LDB1: variants seen among roughly 807,000 people sequenced by gnomAD.
LDB1 encodes LIM domain binding 1, also known as LIM domain-binding protein 1.
LDB1 carries 6 observed loss-of-function variants against 49.7 expected under a neutral mutation model. The observed-to-expected ratio is 0.12, with a 90% CI of 0.07 to 0.24. LDB1 has a LOEUF of 0.24. Ranked by LOEUF, LDB1 falls within the 10% of genes least tolerant of loss-of-function variation. The pLI, the probability that LDB1 is intolerant of heterozygous loss-of-function variation, is 1.00. For synonymous variants in LDB1, 233 were observed against 202.0 expected, an observed-to-expected ratio of 1.15 and a Z score of -1.30; for missense variants, 341 against 561.7, an observed-to-expected ratio of 0.61 and a Z score of 3.97.
chr10:102,120,453 G>C, upstream of LDB1: 2 of 951,466 alleles, frequency 2.1e-6, no homozygotes, highest in Non-Finnish European at 2.5e-6. Flanking sequence ...CTCCGCCCTC[G>C]CGCTCGCGCT....
At chr10:102,111,798 C>T (rs371453395) in intron 1 of LDB1, among the ~76,000 whole-genome samples, 2 of 152,078 alleles carry the variant, frequency 1.3e-5, no homozygotes, top group East Asian at 1.9e-4. Context: ...CTGAAGTGAG[C>T]GGAGATCATA....
intron 1 of LDB1, among the ~76,000 whole-genome samples, chr10:102,118,802 C>T (rs1370979353): frequency 6.6e-6 from 1 of 152,196 alleles, no homozygotes; most frequent in Non-Finnish European, 1.5e-5. Flanking sequence ...GTACACCAAG[C>T]TGGTAGAAAG....
chr10:102,112,551 G>T (rs1229788546), intron 1 of LDB1, among the ~76,000 whole-genome samples: 1 of 152,102 alleles, frequency 6.6e-6, no homozygotes, highest in African/African-American at 2.4e-5. Context: ...TAACCAGTTG[G>T]GCCTTCTGCC....
intron 1 of LDB1, among the ~76,000 whole-genome samples, chr10:102,115,654 T>C (rs2068326745): frequency 6.6e-6 from 1 of 151,706 alleles, no homozygotes; most frequent in Non-Finnish European, 1.5e-5. Flanking sequence ...TTGTCAGAGC[T>C]AGGGAAAGCC....
Position 102,107,725 on chromosome 10 carries a change from T to G in LDB1, c.*368A>C. On this transcript the variant is annotated 3_prime_UTR_variant, in exon 11 of 11. Coordinates refer to ENST00000673968, the MANE Select transcript of LDB1 (RefSeq NM_001113407.3). ...CGTAACTTTAAGTCCCTAAGGGCTG[T>G]GGGTATAGACAACCCCAGGCTTGAA... 1 of 279,796 alleles carries G rather than the reference T, an allele frequency of 3.6e-6. No homozygotes were observed. The allele number at this position is 279,796 out of a possible 1,614,324, so 17.3% of individuals were successfully genotyped here.
chr10:102,118,298 C>T (rs1254191392), intron 1 of LDB1, among the ~76,000 whole-genome samples: 1 of 152,192 alleles, frequency 6.6e-6, no homozygotes, highest in Non-Finnish European at 1.5e-5. Context: ...ATCTATAAGA[C>T]TTCTTCATGA....
upstream of LDB1, among the ~76,000 whole-genome samples, chr10:102,120,633 G>T (rs2068408183): frequency 1.3e-5 from 2 of 152,172 alleles, no homozygotes; most frequent in African/African-American, 4.8e-5. Context: ...CGAGGGGCTG[G>T]GAGCGCTCGG....
At chr10:102,108,687 T>C (rs951526558) in intron 10 of LDB1, among the ~76,000 whole-genome samples, 2 of 152,220 alleles carry the variant, frequency 1.3e-5, no homozygotes, top group Non-Finnish European at 2.9e-5. Context: ...CAAGGGTATG[T>C]ATTCTGGATC....
chr10:102,120,803 C>T (rs2068410709), upstream of LDB1, among the ~76,000 whole-genome samples: 1 of 152,054 alleles, frequency 6.6e-6, no homozygotes, highest in African/African-American at 2.4e-5. Context: ...GAGCGGGAGC[C>T]GCGGCTGGGG....
At chr10:102,119,271 C>G (rs1369140220) in intron 1 of LDB1, among the ~76,000 whole-genome samples, 1 of 152,072 alleles carries the variant, frequency 6.6e-6, no homozygotes, top group Admixed American at 6.5e-5. Flanking sequence ...TCTCTCTTTC[C>G]TCCTGGCAGT....
At chr10:102,104,332 G>A (rs1431824817), downstream of LDB1, among the ~76,000 whole-genome samples, 1 of 152,134 alleles carries the variant, frequency 6.6e-6, no homozygotes, top group Non-Finnish European at 1.5e-5. Flanking sequence ...AGACACATAC[G>A]TAAACATATG....
chr10:102,109,751 T>C lies in LDB1; in HGVS notation c.649-68A>G, dbSNP rs2068222622. 5 of 1,552,760 alleles carry C rather than the reference T, an allele frequency of 3.2e-6. No homozygotes were observed. The highest frequency in any genetic ancestry group is 4.4e-6 in the Non-Finnish European group (5 of 1,125,146). On this transcript the variant is annotated intron_variant, in intron 7 of 10. Transcript: ENST00000673968. The surrounding 1 kb of genome is among the most constrained non-coding windows in gnomAD (Gnocchi z 5.8). The stretch of plus-strand genomic sequence containing the variant: ...TTGCCTCTGCTCACCTGCCCTATCA[T>C]CTGAGCATTGTGACACTCCTGAGAG...
chr10:102,108,956 G>A, intron 10 of LDB1, 73 bp downstream of exon 10: 1 of 1,587,282 alleles, frequency 6.3e-7, no homozygotes, highest in Non-Finnish European at 8.7e-7. Flanking sequence ...CTGCTAGTGA[G>A]CTCAGGCTTG....
At chr10:102,120,496 C>A (rs926421172), upstream of LDB1, 2 of 482,856 alleles carry the variant, frequency 4.1e-6, no homozygotes, top group South Asian at 8.7e-5. Context: ...CCAGCCCAAG[C>A]CGGGCAGGGC....
chr10:102,106,102 CCA>C (rs1390831893), downstream of LDB1, among the ~76,000 whole-genome samples: 8 of 152,190 alleles, frequency 5.3e-5, no homozygotes, highest in South Asian at 1.7e-3. Flanking sequence ...CCCTCCTGGG[CCA>C]AGTCCCCTCT....
In LDB1 at chr10:102,108,111, C is replaced by G. The variant is rs370714670; in HGVS notation, c.1218G>C (p.Thr406=). The stretch of plus-strand genomic sequence containing the variant: ...GGGCCTTTTACTGGGAGGCCTGTGA[C>G]GTGGGGTTCTCCGATTTGCTTTCTT... ...SSQESKSENP[T]SQASQ The change falls in exon 11 of 11, where the codon ACG becomes ACC. Residue 406 remains threonine (T), a synonymous_variant. Transcript: ENST00000673968. The G allele has an allele frequency of 2.5e-6, 4 of 1,613,884 alleles. No homozygotes were observed. In the Admixed American group the frequency reaches 5.0e-5, roughly 20 times the overall value.
chr10:102,103,333 T>C, downstream of LDB1, among the ~76,000 whole-genome samples: 1 of 23,036 alleles, frequency 4.3e-5, no homozygotes, highest in African/African-American at 1.4e-3. Flanking sequence ...ACCTGTTTTG[T>C]TGTTGTTGTT....
Position 102,109,298 on chromosome 10 carries a change from G to A in LDB1, c.856+86C>T. ...TTTTGTAGACCCGGGAACAAGGAAG[G>A]GGTGGGGAAAACTTCAAAAGGAAAT... On this transcript the variant is annotated intron_variant, in intron 9 of 10. Coordinates refer to ENST00000673968, the MANE Select transcript of LDB1 (RefSeq NM_001113407.3). This position sits in a 1 kb window ranked among gnomAD's most constrained non-coding sequence, Gnocchi z 5.8. 6.2e-7 allele frequency: 1 copy of A among 1,604,296 alleles called. No homozygotes were observed. The highest frequency in any genetic ancestry group is 8.5e-7 in the Non-Finnish European group (1 of 1,174,496).
In LDB1 at chr10:102,106,831, C is replaced by G. The variant is rs969603185; in HGVS notation, c.*1262G>C. ...GCTCCTGGCTGCACCCTGGCAGAGC[C>G]GAGGATCCCGGCTGCCTCCTCCTCC... On this transcript the variant is annotated 3_prime_UTR_variant, in exon 11 of 11. Transcript: ENST00000673968. 6.6e-6 allele frequency among the ~76,000 whole-genome samples: 1 copy of G among 152,072 alleles called. No individual in the cohort carries two copies. Among genetic ancestry groups the G allele is most frequent in the East Asian group, 1.9e-4 (1 of 5,176 alleles).
Sources: gnomAD v4.1 joint callset for allele counts (sites outside exome capture counted in the v4.1 genomes callset) on GRCh38, gnomAD v4.1.1 for gene constraint, Gnocchi (gnomAD v3.1) non-coding constraint, MANE v1.5 for transcripts, NCBI Gene and HGNC (gene_info 2026-07-23, HGNC 2026-07-21) for gene names.